The following AUTS2 variants were observed in gnomAD, a reference collection of about 807,000 sequenced individuals.
AUTS2 encodes the protein activator of transcription and developmental regulator AUTS2.
A neutral mutation model predicts 112.4 loss-of-function variants in AUTS2; 17 were observed. The observed-to-expected ratio is 0.15, with a 90% CI of 0.10 to 0.23. The LOEUF (loss-of-function observed/expected upper bound fraction) is 0.23. Among genes scored for constraint, AUTS2 ranks in the 10% least tolerant of loss-of-function variants. The pLI is 1.00. For missense variants in AUTS2, 1,510 were observed against 1,701.6 expected (o/e 0.89, Z 1.98); for synonymous variants, 751 against 702.7 (o/e 1.07, Z -1.09).
chr7:70,461,772 G>A (rs1196624774), intron 5 of AUTS2, among the ~76,000 whole-genome samples: 35 of 152,100 alleles, frequency 2.3e-4, no homozygotes, highest in Admixed American at 2.3e-3. Context: ...TCCCAGGTGA[G>A]GAGTTGCCTG....
chr7:70,134,670 C>T, intron 4 of AUTS2, 99 bp downstream of exon 4: 1 of 1,112,584 alleles, frequency 9.0e-7, no homozygotes, highest in Non-Finnish European at 1.4e-6. Flanking sequence ...CTGAGAATTT[C>T]TCTCTCAGTC....
At chr7:70,371,578 C>T (rs1474705231) in intron 4 of AUTS2, among the ~76,000 whole-genome samples, 1 of 152,182 alleles carries the variant, frequency 6.6e-6, no homozygotes, top group Non-Finnish European at 1.5e-5. Context: ...AGTTTTGTCA[C>T]AGAGTTGAGT....
intron 1 of AUTS2, among the ~76,000 whole-genome samples, chr7:69,886,219 A>G (rs1000010270): frequency 4.6e-5 from 7 of 152,208 alleles, no homozygotes; most frequent in Admixed American, 3.9e-4. Context: ...GTGGAATACT[A>G]ATAGGCATAT....
intron 1 of AUTS2, among the ~76,000 whole-genome samples, chr7:69,849,187 A>G (rs967441896): frequency 6.6e-6 from 1 of 152,226 alleles, no homozygotes; most frequent in Admixed American, 6.5e-5. Flanking sequence ...CCAAAACAAA[A>G]CAACAAGACG....
chr7:69,859,961 A>G lies in AUTS2; in HGVS notation c.310-39325A>G, dbSNP rs557501413. On this transcript the variant is annotated intron_variant, in intron 1 of 18. Transcript: ENST00000342771. ...GGTAGCAGAGTGAATGAATTGGACA[A>G]CTATAAGCAATGGGGGAGACTGAAG... 5.9e-5 allele frequency among the ~76,000 whole-genome samples: 9 copies of G among 152,278 alleles called. 1 individual carries two copies. Among genetic ancestry groups the G allele is most frequent in the South Asian group, 4.2e-4 (2 of 4,818 alleles).
At position 70,669,242 on chromosome 7, in the gene AUTS2, G is replaced by A. The variant is rs1459571408; in HGVS notation, c.691-29327G>A. ...CATCTAAGCCTGGCAGGGCCTGGAG[G>A]GCGGCAACGTGTGGTTTGCAGGTTC... On this transcript the variant is annotated intron_variant, in intron 5 of 18. Coordinates refer to ENST00000342771, the MANE Select transcript of AUTS2 (RefSeq NM_015570.4). Among the ~76,000 whole-genome samples the A allele has an allele frequency of 2.0e-5, 3 of 152,342 alleles. No homozygotes were observed. The East Asian group carries it at 5.8e-4, about 29-fold the overall frequency.
intron 4 of AUTS2, among the ~76,000 whole-genome samples, chr7:70,415,480 A>G (rs1794950731): frequency 6.6e-6 from 1 of 152,190 alleles, no homozygotes; most frequent in African/African-American, 2.4e-5. Context: ...TGAAATTGAA[A>G]CTAGACCATC....
chr7:70,420,311 G>A (rs532634492), intron 4 of AUTS2, among the ~76,000 whole-genome samples: 81 of 152,252 alleles, frequency 5.3e-4, no homozygotes, highest in African/African-American at 1.8e-3. Context: ...GGTCTTGCTT[G>A]AGTCTTTTAT....
chr7:69,960,056 C>T (rs376747503), intron 2 of AUTS2, among the ~76,000 whole-genome samples: 7 of 151,986 alleles, frequency 4.6e-5, no homozygotes, highest in South Asian at 4.1e-4. Flanking sequence ...TCTATTTCTG[C>T]GTATCCAGCA....
intron 4 of AUTS2, among the ~76,000 whole-genome samples, chr7:70,309,103 T>C (rs1333229190): frequency 6.6e-6 from 1 of 152,266 alleles, no homozygotes; most frequent in African/African-American, 2.4e-5. Flanking sequence ...ACCCCTTTTG[T>C]ATTTCAAATT....
intron 4 of AUTS2, among the ~76,000 whole-genome samples, chr7:70,290,161 C>G (rs1788643458): frequency 6.6e-6 from 1 of 152,116 alleles, no homozygotes; most frequent in Non-Finnish European, 1.5e-5. Context: ...CAAAGCATGT[C>G]TTAGAGGTGA....
chr7:70,729,433 C>CGT (rs1373228153), intron 6 of AUTS2, among the ~76,000 whole-genome samples: 5 of 152,224 alleles, frequency 3.3e-5, no homozygotes, highest in African/African-American at 1.2e-4. Context: ...TTTCCAGGAA[C>CGT]GTGTCCCTAC....
intron 2 of AUTS2, among the ~76,000 whole-genome samples, chr7:69,990,514 T>G (rs984423009): frequency 6.6e-6 from 1 of 152,148 alleles, no homozygotes. Flanking sequence ...CTAAGAGGTG[T>G]GCGTGTGTGT....
At chr7:70,589,726 GA>G (rs1317831262) in intron 5 of AUTS2, among the ~76,000 whole-genome samples, 1 of 152,054 alleles carries the variant, frequency 6.6e-6, no homozygotes, top group Non-Finnish European at 1.5e-5. Flanking sequence ...AAAAAGAAAA[GA>G]AAAGAAAGAA....
chr7:70,651,004 A>G (rs915057845), intron 5 of AUTS2, among the ~76,000 whole-genome samples: 2 of 152,232 alleles, frequency 1.3e-5, no homozygotes, highest in Admixed American at 6.5e-5. Context: ...AATGGGATGA[A>G]GATAATGTTG....
chr7:70,160,418 T>C (rs1276326606), intron 4 of AUTS2, among the ~76,000 whole-genome samples: 1 of 152,206 alleles, frequency 6.6e-6, no homozygotes, highest in African/African-American at 2.4e-5. Flanking sequence ...AGGACTTTGA[T>C]GTCAGATTTC....
chr7:70,400,048 T>G lies in AUTS2; in HGVS notation c.661-35704T>G, dbSNP rs141239337. 2.6e-3 allele frequency among the ~76,000 whole-genome samples: 393 copies of G among 152,372 alleles called. 4 individuals are homozygous for G. Among genetic ancestry groups the G allele is most frequent in the African/African-American group, 9.0e-3 (374 of 41,590 alleles). On this transcript the variant is annotated intron_variant, in intron 4 of 18. Transcript: ENST00000342771. Reference sequence around the variant, plus strand: ...GGGCAAAGGTCCAGAGGTCACCTTCTATACGAGGAACACAAACTAGTCAGC... The same window carrying G: ...GGGCAAAGGTCCAGAGGTCACCTTCGATACGAGGAACACAAACTAGTCAGC...
intron 5 of AUTS2, among the ~76,000 whole-genome samples, chr7:70,444,365 T>A (rs1796235455): frequency 6.7e-6 from 1 of 149,216 alleles, no homozygotes; most frequent in Non-Finnish European, 1.5e-5. Flanking sequence ...TGTGTGTGTG[T>A]GTGTGTGTGA....
intron 2 of AUTS2, among the ~76,000 whole-genome samples, chr7:69,920,382 G>C (rs1795761520): frequency 6.6e-6 from 1 of 151,618 alleles, no homozygotes; most frequent in African/African-American, 2.4e-5. Flanking sequence ...GAACCTCCTG[G>C]CTCAAGCAAT....
Sources: gnomAD v4.1 joint callset for allele counts (sites outside exome capture counted in the v4.1 genomes callset) on GRCh38, gnomAD v4.1.1 for gene constraint, MANE v1.5 for transcripts, NCBI Gene and HGNC (gene_info 2026-07-23, HGNC 2026-07-21) for gene names.